The following STK33 variants were observed in gnomAD, a reference collection of about 807,000 sequenced individuals.
The protein encoded by STK33 is serine/threonine-protein kinase 33.
STK33 carries 52 observed loss-of-function variants against 58.0 expected under a neutral mutation model. The observed-to-expected ratio is 0.90, with a 90% CI of 0.72 to 1.13. The LOEUF is 1.13. STK33 is among the 50% of genes most tolerant of loss of function. The pLI, the probability that STK33 is intolerant of heterozygous loss-of-function variation, is 0.00. For synonymous variants in STK33, 215 were observed against 200.1 expected, an observed-to-expected ratio of 1.07 and a Z score of -0.63; for missense variants, 630 against 604.2, an observed-to-expected ratio of 1.04 and a Z score of -0.45.
chr11:8,496,396 C>A (rs1213062278), intron 1 of STK33, among the ~76,000 whole-genome samples: 1 of 152,102 alleles, frequency 6.6e-6, no homozygotes, highest in African/African-American at 2.4e-5. Flanking sequence ...TATGATTAGA[C>A]TTGAATTTAG....
At chr11:8,526,477 ATATCT>A (rs1365248054) in intron 1 of STK33, among the ~76,000 whole-genome samples, 1 of 152,094 alleles carries the variant, frequency 6.6e-6, no homozygotes, top group African/African-American at 2.4e-5. Context: ...AAATATACGC[ATATCT>A]TATAACTCAA....
intron 1 of STK33, among the ~76,000 whole-genome samples, chr11:8,507,247 C>T (rs1162281791): frequency 6.6e-6 from 1 of 152,162 alleles, no homozygotes; most frequent in South Asian, 2.1e-4. Flanking sequence ...TTGATAAGTG[C>T]TGTGTTCTTT....
intron 1 of STK33, among the ~76,000 whole-genome samples, chr11:8,553,337 A>G (rs1956502554): frequency 6.6e-6 from 1 of 150,472 alleles, no homozygotes; most frequent in African/African-American, 2.4e-5. Flanking sequence ...TTACATAAGT[A>G]TATGTCCCAC....
the STK33 span, among the ~76,000 whole-genome samples, chr11:8,358,452 T>TGAGGTCTGCCCTCCGGCC: frequency 3.0e-4 from 45 of 152,218 alleles, 1 homozygote; most frequent in Admixed American, 2.9e-3. Flanking sequence ...GGGCAGGGGC[T>TGAGGTCTGCCCTCCGGCC]GAGGTCTGCC....
intron 1 of STK33, among the ~76,000 whole-genome samples, chr11:8,563,919 T>A (rs1169667075): frequency 6.6e-6 from 1 of 151,834 alleles, no homozygotes; most frequent in Non-Finnish European, 1.5e-5. Flanking sequence ...AAGGGACCAG[T>A]ATGGCTGAAC....
At chr11:8,390,843 T>A (rs970480508), downstream of STK33, among the ~76,000 whole-genome samples, 1 of 152,120 alleles carries the variant, frequency 6.6e-6, no homozygotes, top group African/African-American at 2.4e-5. Context: ...CCAAGAGAAG[T>A]GTGGATAGTA....
At chr11:8,441,763 T>A (rs973841418) in intron 11 of STK33, among the ~76,000 whole-genome samples, 1 of 152,188 alleles carries the variant, frequency 6.6e-6, no homozygotes, top group Non-Finnish European at 1.5e-5. Context: ...AAAATAGTTA[T>A]AAGCAGAAAA....
the STK33 span, among the ~76,000 whole-genome samples, chr11:8,337,234 A>AG: frequency 6.6e-6 from 1 of 152,214 alleles, no homozygotes; most frequent in Non-Finnish European, 1.5e-5. Context: ...TCCTCTTCAG[A>AG]CTGGGGAAAA....
At chr11:8,455,709 G>A (rs1318786848) in intron 9 of STK33, among the ~76,000 whole-genome samples, 2 of 151,014 alleles carry the variant, frequency 1.3e-5, no homozygotes, top group African/African-American at 2.4e-5. Context: ...TACTCGGGAG[G>A]CTGCGGCAGG....
intron 1 of STK33, among the ~76,000 whole-genome samples, chr11:8,554,790 AAGG>A (rs1956616582): frequency 6.6e-6 from 1 of 152,172 alleles, no homozygotes; most frequent in African/African-American, 2.4e-5. Context: ...CATATGTCAG[AAGG>A]AGATCTGCAC....
chr11:8,345,005 C>T, the STK33 span, among the ~76,000 whole-genome samples: 10 of 152,214 alleles, frequency 6.6e-5, no homozygotes, highest in African/African-American at 1.9e-4. Flanking sequence ...GTTTCCAAAT[C>T]AGCTCAACGT....
intron 15 of STK33, among the ~76,000 whole-genome samples, chr11:8,403,069 A>G (rs961874107): frequency 6.6e-6 from 1 of 152,242 alleles, no homozygotes; most frequent in Non-Finnish European, 1.5e-5. Context: ...GGGGAGAAAG[A>G]TAACAGAGGA....
chr11:8,399,051 A>G (rs1451761877), intron 15 of STK33, among the ~76,000 whole-genome samples: 1 of 152,206 alleles, frequency 6.6e-6, no homozygotes, highest in Non-Finnish European at 1.5e-5. Context: ...AACATTAGAC[A>G]GATCAACGAG....
At chr11:8,530,285 T>C (rs959589978) in intron 1 of STK33, among the ~76,000 whole-genome samples, 7 of 151,486 alleles carry the variant, frequency 4.6e-5, no homozygotes, top group East Asian at 3.9e-4. Flanking sequence ...CATGGGGAGA[T>C]AGCGGACAAA....
At chr11:8,337,370 G>T in the STK33 span, among the ~76,000 whole-genome samples, 3 of 152,172 alleles carry the variant, frequency 2.0e-5, no homozygotes, top group Admixed American at 6.5e-5. Flanking sequence ...CCATGGCTGT[G>T]AATGTGGGCA....
chr11:8,364,589 A>T, the STK33 span, among the ~76,000 whole-genome samples: 1 of 152,224 alleles, frequency 6.6e-6, no homozygotes, highest in South Asian at 2.1e-4. Context: ...CACAGTTTAA[A>T]ATATGCCAGT....
chr11:8,403,745 G>A (rs1355066092), intron 15 of STK33, among the ~76,000 whole-genome samples: 1 of 152,118 alleles, frequency 6.6e-6, no homozygotes, highest in African/African-American at 2.4e-5. Flanking sequence ...CTTGAAAAGG[G>A]GGCTCCATGT....
At chr11:8,396,593 C>A (rs990397862) in intron 15 of STK33, among the ~76,000 whole-genome samples, 4 of 152,164 alleles carry the variant, frequency 2.6e-5, no homozygotes, top group Non-Finnish European at 4.4e-5. Context: ...ACTGAGGTAC[C>A]AGGTTCATCT....
At chr11:8,340,606 G>A in the STK33 span, among the ~76,000 whole-genome samples, 1 of 152,154 alleles carries the variant, frequency 6.6e-6, no homozygotes, top group Non-Finnish European at 1.5e-5. Context: ...CAGGCCAGAG[G>A]TAGGAGCAGG....
Sources: allele counts gnomAD v4.1 joint callset (sites outside exome capture counted in the v4.1 genomes callset), GRCh38; gene constraint gnomAD v4.1.1; transcripts MANE v1.5; gene names NCBI Gene and HGNC (gene_info 2026-07-23, HGNC 2026-07-21).